Variants in RARB observed in about 807,000 individuals in gnomAD.
The protein encoded by RARB is HBV-activated protein.
Under a neutral mutation model 51.9 loss-of-function variants are expected in RARB, and 17 were observed. The ratio of observed to expected loss-of-function variants is 0.33; its 90% confidence interval spans 0.22 to 0.49. The LOEUF (loss-of-function observed/expected upper bound fraction) is 0.49, where lower values mean the gene tolerates loss of function less well. RARB is among the 20% of genes least tolerant of loss of function. RARB has a pLI of 0.99. For synonymous variants in RARB, 215 were observed against 195.4 expected (o/e 1.10, Z -0.84); for missense variants, 369 against 550.8 (o/e 0.67, Z 3.30).
chr3:25,418,029 G>A (rs1371825512), intron 5 of RARB, among the ~76,000 whole-genome samples: 2 of 151,746 alleles, frequency 1.3e-5, no homozygotes, highest in African/African-American at 4.9e-5. Context: ...ACTTGGTAGG[G>A]AAGGGGCAAG....
chr3:25,429,588 A>T (rs1272340686), intron 1 of RARB, among the ~76,000 whole-genome samples: 1 of 152,212 alleles, frequency 6.6e-6, no homozygotes, highest in African/African-American at 2.4e-5. Context: ...GCCATCCATT[A>T]TTTCCATATC....
intron 5 of RARB, among the ~76,000 whole-genome samples, chr3:25,202,589 T>G (rs975985509): frequency 6.6e-6 from 1 of 152,248 alleles, no homozygotes; most frequent in Non-Finnish European, 1.5e-5. Flanking sequence ...TAAATTTCCC[T>G]CTACACACGG....
chr3:25,328,735 C>T (rs564465457), intron 5 of RARB, among the ~76,000 whole-genome samples: 1 of 152,264 alleles, frequency 6.6e-6, no homozygotes, highest in Admixed American at 6.5e-5. Context: ...CATCACTGCA[C>T]CCGGGAAGCA....
In RARB at chr3:24,926,849, A is replaced by G. The variant is rs559074315; in HGVS notation, c.-380+68097A>G. Among the ~76,000 whole-genome samples the G allele has an allele frequency of 3.9e-5, 6 of 152,204 alleles. No homozygotes were observed. The East Asian group carries it at 9.7e-4, about 25-fold the overall frequency. On this transcript the variant is annotated intron_variant, in intron 2 of 11. Coordinates refer to the RARB transcript ENST00000383772. ...ATAAATTCCCCAAATGAGGTTTAAT[A>G]TATACTCCCATCATTAAGTTACTCA...
At chr3:24,877,734 C>T (rs1408806941) in intron 2 of RARB, among the ~76,000 whole-genome samples, 1 of 152,056 alleles carries the variant, frequency 6.6e-6, no homozygotes, top group Non-Finnish European at 1.5e-5. Flanking sequence ...TCAGAGGCCT[C>T]TTTTATGCAG....
intron 5 of RARB, among the ~76,000 whole-genome samples, chr3:25,214,246 T>A (rs1186247908): frequency 6.6e-6 from 1 of 152,180 alleles, no homozygotes; most frequent in Non-Finnish European, 1.5e-5. Flanking sequence ...CTTGTTGACT[T>A]CAAAGGGAGA....
At chr3:25,485,040 G>A (rs1045730563) in intron 2 of RARB, among the ~76,000 whole-genome samples, 23 of 152,188 alleles carry the variant, frequency 1.5e-4, no homozygotes, top group East Asian at 7.7e-4. Context: ...ACACACACAC[G>A]ATACACTCAA....
At chr3:25,176,326 TTTCTTTCTTTCCTTCCTTCC>T (rs1293078806) in intron 5 of RARB, among the ~76,000 whole-genome samples, 5 of 46,010 alleles carry the variant, frequency 1.1e-4, no homozygotes, top group African/African-American at 3.5e-4. Flanking sequence ...TCTTTCTTTC[TTTCTTTCTTTCCTTCCTTCC>T]TTCCTTCCTT....
chr3:24,929,064 T>G (rs908191451), intron 2 of RARB, among the ~76,000 whole-genome samples: 3 of 152,060 alleles, frequency 2.0e-5, no homozygotes, highest in Non-Finnish European at 1.5e-5. Context: ...AGAAAAGATA[T>G]CATGTAAAAG....
chr3:25,131,199 A>G (rs2125333113), intron 3 of RARB, among the ~76,000 whole-genome samples: 1 of 152,090 alleles, frequency 6.6e-6, no homozygotes, highest in African/African-American at 2.4e-5. Context: ...TGCCTACGGA[A>G]TAAGCCAAGT....
intron 2 of RARB, among the ~76,000 whole-genome samples, chr3:25,045,751 T>G (rs2125297193): frequency 1.3e-5 from 2 of 152,388 alleles, no homozygotes; most frequent in Middle Eastern, 6.8e-3. Flanking sequence ...TACAAGCATA[T>G]TAAGTTCAGC....
intron 3 of RARB, among the ~76,000 whole-genome samples, chr3:25,121,195 C>T (rs1484044436): frequency 6.6e-6 from 1 of 152,086 alleles, no homozygotes; most frequent in Non-Finnish European, 1.5e-5. Context: ...AAGGGGAGGG[C>T]AGAGTTCCCC....
chr3:25,349,705 A>G (rs141347052), intron 5 of RARB, among the ~76,000 whole-genome samples: 341 of 152,308 alleles, frequency 2.2e-3, no homozygotes, highest in African/African-American at 7.9e-3. Flanking sequence ...TAAAAGTTCT[A>G]TGTGTTTTGT....
chr3:25,232,153 A>C (rs1431762843), intron 5 of RARB, among the ~76,000 whole-genome samples: 1 of 152,110 alleles, frequency 6.6e-6, no homozygotes, highest in African/African-American at 2.4e-5. Flanking sequence ...AGGTTAATTG[A>C]CCATTGTTTC....
intron 1 of RARB, among the ~76,000 whole-genome samples, chr3:24,856,213 C>T (rs1279952679): frequency 6.6e-6 from 1 of 152,122 alleles, no homozygotes; most frequent in Non-Finnish European, 1.5e-5. Flanking sequence ...CCATGAGGCT[C>T]TAAGACCTTC....
chr3:24,874,665 T>C (rs1703008778), intron 2 of RARB, among the ~76,000 whole-genome samples: 2 of 152,052 alleles, frequency 1.3e-5, no homozygotes. Flanking sequence ...CTTCCAATTT[T>C]ATTTTGCCTC....
At chr3:25,538,238 G>A (rs1042810156) in intron 3 of RARB, among the ~76,000 whole-genome samples, 6 of 152,080 alleles carry the variant, frequency 3.9e-5, no homozygotes, top group Admixed American at 3.9e-4. Flanking sequence ...TGCCAGGATG[G>A]GAGGTTTACA....
At chr3:25,204,224 T>C (rs1701470430) in intron 5 of RARB, among the ~76,000 whole-genome samples, 1 of 152,226 alleles carries the variant, frequency 6.6e-6, no homozygotes, top group African/African-American at 2.4e-5. Flanking sequence ...TCGAATCAGC[T>C]ACTGAAGCTT....
At chr3:25,287,561 T>A (rs1376670910) in intron 5 of RARB, among the ~76,000 whole-genome samples, 1 of 152,162 alleles carries the variant, frequency 6.6e-6, no homozygotes, top group African/African-American at 2.4e-5. Context: ...ACTCTCGGCC[T>A]CCTTTAGTAT....
Sources: gnomAD v4.1 joint callset for allele counts (sites outside exome capture counted in the v4.1 genomes callset) on GRCh38, gnomAD v4.1.1 for gene constraint, MANE v1.5 for transcripts, NCBI Gene and HGNC (gene_info 2026-07-23, HGNC 2026-07-21) for gene names.